The following ARMH1 variants were observed in gnomAD, a reference collection of about 807,000 sequenced individuals.
ARMH1 encodes the protein armadillo-like helical domain containing protein 1.
A neutral mutation model predicts 50.2 loss-of-function variants in ARMH1; 34 were observed. The ratio of observed to expected loss-of-function variants is 0.68; its 90% confidence interval spans 0.51 to 0.90. The LOEUF (loss-of-function observed/expected upper bound fraction) is 0.90, where lower values mean the gene tolerates loss of function less well. Ranked by LOEUF, ARMH1 falls within the 40% of genes least tolerant of loss-of-function variation. The pLI, the probability that ARMH1 is intolerant of heterozygous loss-of-function variation, is 0.00. For synonymous variants in ARMH1, 221 were observed against 224.2 expected (o/e 0.99, Z 0.13); for missense variants, 538 against 553.9 (o/e 0.97, Z 0.29).
rs115263368 is a variant in ARMH1 at position 44,684,115 on chromosome 1, T to C, written c.-22-5561T>C. Among the ~76,000 whole-genome samples, 820 of 152,328 alleles carry C rather than the reference T, an allele frequency of 5.4e-3. 7 individuals carry two copies. The highest frequency in any genetic ancestry group is 0.017 in the African/African-American group (719 of 41,564). On this transcript the variant is annotated intron_variant, in intron 1 of 11. Coordinates refer to ENST00000535358, the MANE Select transcript of ARMH1 (RefSeq NM_001145636.2). Reference sequence around the variant, plus strand: ...CTCCCTGCCTTCATTCCTTCTGCCTTCACCAGGAAACACAGCTAACATCAC... The same window carrying C: ...CTCCCTGCCTTCATTCCTTCTGCCTCCACCAGGAAACACAGCTAACATCAC...
rs1647948874 is a variant in ARMH1 at position 44,724,509 on chromosome 1, G to A, written c.921-30G>A. 1 of 1,506,922 alleles carries A rather than the reference G, an allele frequency of 6.6e-7. No homozygotes were observed. The highest frequency in any genetic ancestry group is 8.8e-7 in the Non-Finnish European group (1 of 1,131,716). 93.3% of individuals were successfully genotyped at this position (1,506,922 alleles called of 1,614,324 possible). On this transcript the variant is annotated intron_variant, in intron 8 of 11. Transcript: ENST00000535358. This position sits in a 1 kb window ranked among gnomAD's most constrained non-coding sequence, Gnocchi z 6.4. ...GGGTGTGCGCCGGGTGAGCCCCAGG[G>A]CGTCGCCCCAGCCCGAACCCCCGGC...
At chr1:44,678,309 T>G (rs1573265952) in intron 1 of ARMH1, among the ~76,000 whole-genome samples, 3 of 142,886 alleles carry the variant, frequency 2.1e-5, no homozygotes, top group Non-Finnish European at 1.5e-5. Flanking sequence ...TGAGGGCAAG[T>G]GGGGAGAAGA....
intron 1 of ARMH1, among the ~76,000 whole-genome samples, chr1:44,675,241 G>A (rs1166380866): frequency 6.6e-6 from 1 of 152,114 alleles, no homozygotes; most frequent in African/African-American, 2.4e-5. Context: ...CTGATTCTGC[G>A]TGTGAGATAA....
chr1:44,725,354 A>G lies in ARMH1; in HGVS notation c.1274A>G (p.Gln425Arg). The change falls in exon 12 of 12, where the codon CAG becomes CGG. Residue 425 changes from glutamine (Q) to arginine (R), a missense_variant. By Grantham distance (43) the Gln-to-Arg change is conservative (BLOSUM62 1). Coordinates refer to ENST00000535358, the MANE Select transcript of ARMH1 (RefSeq NM_001145636.2). ...CTCTATGGCTCGCGCGATTCGGCTC[A>G]GATGGCCTACCTCACACACTTCGAG... The part of the protein sequence containing the change: ...NTLYGSRDSA[Q>R]MAYLTHFEED... 6.4e-7 allele frequency: 1 copy of G among 1,551,744 alleles called. No individual in the cohort carries two copies. The highest frequency in any genetic ancestry group is 8.7e-7 in the Non-Finnish European group (1 of 1,146,996).
chr1:44,702,808 C>T (rs12118100), intron 5 of ARMH1, among the ~76,000 whole-genome samples: 1,858 of 151,794 alleles, frequency 0.012, 12 homozygotes, highest in Non-Finnish European at 0.018. Flanking sequence ...AAAGAGTTTC[C>T]GTAAGGAGGA....
chr1:44,701,924 A>G (rs1184695272), intron 5 of ARMH1, among the ~76,000 whole-genome samples: 1 of 101,368 alleles, frequency 9.9e-6, no homozygotes, highest in Non-Finnish European at 2.2e-5. Context: ...GACTCGTGTC[A>G]AAAAAAAAAA....
At chr1:44,697,442 G>A (rs776697615) in intron 3 of ARMH1, among the ~76,000 whole-genome samples, 1 of 152,092 alleles carries the variant, frequency 6.6e-6, no homozygotes, top group African/African-American at 2.4e-5. Flanking sequence ...GAAAATTAGT[G>A]GCTCACTTAA....
chr1:44,689,668 C>T lies in ARMH1; in HGVS notation c.-22-8C>T. Reference sequence around the variant, plus strand: ...CCGGTAACCTGTCTCTTTTCCCTCCCTCTGTAGCCAACTTCAGGACTGATT... The same window carrying T: ...CCGGTAACCTGTCTCTTTTCCCTCCTTCTGTAGCCAACTTCAGGACTGATT... On this transcript the variant is annotated splice_polypyrimidine_tract_variant and splice_region_variant and intron_variant, in intron 1 of 11. Transcript: ENST00000535358. The T allele has an allele frequency of 1.9e-6, 3 of 1,545,890 alleles. No individual in the cohort carries two copies. Among genetic ancestry groups the T allele is most frequent in the South Asian group, 1.2e-5 (1 of 83,856 alleles).
chr1:44,702,605 G>T (rs1033540802), intron 5 of ARMH1, among the ~76,000 whole-genome samples: 3 of 151,528 alleles, frequency 2.0e-5, no homozygotes, highest in African/African-American at 7.3e-5. Flanking sequence ...CCAGCTACTC[G>T]GGAGGCTGAG....
intron 2 of ARMH1, among the ~76,000 whole-genome samples, chr1:44,696,185 T>C (rs1645823251): frequency 6.6e-6 from 1 of 152,220 alleles, no homozygotes; most frequent in Non-Finnish European, 1.5e-5. Flanking sequence ...ACACTATTTT[T>C]GCAGTAAAGA....
chr1:44,712,869 G>A (rs1179494395), intron 6 of ARMH1, among the ~76,000 whole-genome samples: 1 of 151,830 alleles, frequency 6.6e-6, no homozygotes, highest in Non-Finnish European at 1.5e-5. Flanking sequence ...TCACCGTGTT[G>A]GTCAGACTGG....
At chr1:44,709,410 C>T (rs2983714) in intron 6 of ARMH1, among the ~76,000 whole-genome samples, 94,639 of 152,042 alleles carry the variant, frequency 0.62, 31,173 homozygotes, top group East Asian at 0.91. Context: ...CGGTGGCTCA[C>T]GCCTTTAATC....
intron 1 of ARMH1, among the ~76,000 whole-genome samples, chr1:44,685,355 C>G (rs1416810801): frequency 6.6e-6 from 1 of 151,218 alleles, no homozygotes; most frequent in African/African-American, 2.4e-5. Context: ...GTTGCCCAGG[C>G]TGGAGTGCAG....
rs1648046636 is a variant in ARMH1, at chr1:44,724,887, G to C, written c.1128+48G>C. On this transcript the variant is annotated intron_variant, in intron 10 of 11. Transcript: ENST00000535358. This position sits in a 1 kb window ranked among gnomAD's most constrained non-coding sequence, Gnocchi z 6.4. ...GCCGCAATGAGCAGATGGCGGCTCG[G>C]ACAGTGTGATGCCCCTTCAGACAGT... 1 of 1,529,844 alleles carries C rather than the reference G, an allele frequency of 6.5e-7. No homozygotes were observed. Among genetic ancestry groups the C allele is most frequent in the South Asian group, 1.2e-5 (1 of 82,298 alleles). 94.8% of individuals were successfully genotyped at this position (1,529,844 alleles called of 1,614,324 possible). A position where few individuals can be genotyped will look rare whatever the true frequency, so the allele number is the denominator to read the frequency against.
intron 4 of ARMH1, among the ~76,000 whole-genome samples, chr1:44,700,473 A>G (rs1403599155): frequency 2.6e-5 from 4 of 151,990 alleles, no homozygotes; most frequent in East Asian, 1.9e-4. Context: ...AAAATTAGCC[A>G]GGCCTGGTGG....
At chr1:44,704,372 C>G (rs79071917) in intron 6 of ARMH1, among the ~76,000 whole-genome samples, 199 bp downstream of exon 6, 2 of 152,154 alleles carry the variant, frequency 1.3e-5, no homozygotes, top group Admixed American at 6.5e-5. Flanking sequence ...TGAACGGTTA[C>G]GAGAATCTGC....
chr1:44,724,139 G>C lies in ARMH1; in HGVS notation c.742G>C (p.Asp248His), dbSNP rs562513670. 6.4e-7 allele frequency: 1 copy of C among 1,551,714 alleles called. No homozygotes were observed. Residue 248 changes from aspartate to histidine, a missense_variant, in exon 7 of 12, where the codon GAC (aspartate) becomes CAC (histidine). Physicochemically the swap from Asp to His is moderately conservative, Grantham distance 81. Coordinates refer to ENST00000535358, the MANE Select transcript of ARMH1 (RefSeq NM_001145636.2). This position sits in a 1 kb window ranked among gnomAD's most constrained non-coding sequence, Gnocchi z 6.4. ...VQYEAIELIK[D>H]LVGYDVRQAL... ...TTCCGCAGCCATCGAGTTGATCAAA[G>C]ACCTGGTCGGTTACGATGTGCGCCA...
rs531932904 is a variant in ARMH1 at position 44,709,574 on chromosome 1, AG to A, written c.724+5403del. Among the ~76,000 whole-genome samples, 1,038 of 152,056 alleles carry A rather than the reference AG, an allele frequency of 6.8e-3. 14 individuals are homozygous for A. Among genetic ancestry groups the A allele is most frequent in the African/African-American group, 0.024 (988 of 41,476 alleles). ...GTAGTCCCACCTACACGGGAGGCTG[AG>A]GCAGGAGAATAGCTTGAACCCAGGA... is the stretch of plus-strand genomic sequence containing the variant. On this transcript the variant is annotated intron_variant, in intron 6 of 11. Coordinates refer to ENST00000535358, the MANE Select transcript of ARMH1 (RefSeq NM_001145636.2).
At chr1:44,709,579 G>A (rs1471589808) in intron 6 of ARMH1, among the ~76,000 whole-genome samples, 2 of 151,946 alleles carry the variant, frequency 1.3e-5, no homozygotes, top group African/African-American at 4.8e-5. Context: ...GGCTGAGGCA[G>A]GAGAATAGCT....
Sources: allele counts gnomAD v4.1 joint callset (sites outside exome capture counted in the v4.1 genomes callset), GRCh38; gene constraint gnomAD v4.1.1; non-coding constraint Gnocchi (gnomAD v3.1); transcripts MANE v1.5; gene names NCBI Gene and HGNC (gene_info 2026-07-23, HGNC 2026-07-21).